SLAMF9: variants seen among roughly 807,000 people sequenced by gnomAD.
The protein encoded by SLAMF9 is SLAM family member 9.
In SLAMF9, 25 loss-of-function variants were observed where a neutral mutation model predicts 30.4. The observed-to-expected ratio is 0.82, with a 90% CI of 0.60 to 1.15. The LOEUF (loss-of-function observed/expected upper bound fraction) is 1.15, where lower values mean the gene tolerates loss of function less well. Ranked by LOEUF, SLAMF9 falls within the 50% of genes most tolerant of loss-of-function variation. The probability of loss-of-function intolerance (pLI) is 0.00; values close to 1 mark genes in which losing one functional copy is unlikely to be tolerated. For synonymous variants in SLAMF9, 129 were observed against 127.2 expected, an observed-to-expected ratio of 1.01 and a Z score of -0.09; for missense variants, 344 against 346.1, an observed-to-expected ratio of 0.99 and a Z score of 0.05.
chr1:159,961,954 C>A, the SLAMF9 span, among the ~76,000 whole-genome samples: 6 of 151,286 alleles, frequency 4.0e-5, no homozygotes, highest in East Asian at 8.0e-4. Flanking sequence ...GTCAAGAGTT[C>A]GAGACCAGCC....
In SLAMF9 at chr1:159,953,436, G is replaced by T; in HGVS notation, c.264C>A (p.Phe88Leu). Residue 88 changes from phenylalanine (F) to leucine (L), a missense_variant, in exon 2 of 4, where the codon TTC (phenylalanine) becomes TTA (leucine). Transcript: ENST00000368093. ...TATGCAGGGAATAGCTGGGGTCCAG[G>T]AAGCTCACTTGGCCCTGGTAGTGTG... Reference protein sequence around the residue: ...TNPHYQGQVSFLDPSYSLHIS... With the variant: ...TNPHYQGQVSLLDPSYSLHIS... 6.2e-7 allele frequency: 1 copy of T among 1,614,240 alleles called. No homozygotes were observed. Among genetic ancestry groups the T allele is most frequent in the Non-Finnish European group, 8.5e-7 (1 of 1,180,042 alleles).
At chr1:159,955,737 C>G (rs1235686241), upstream of SLAMF9, among the ~76,000 whole-genome samples, 1 of 152,082 alleles carries the variant, frequency 6.6e-6, no homozygotes, top group Non-Finnish European at 1.5e-5. Flanking sequence ...GGCGATTTGG[C>G]AAAGTTGGAG....
the SLAMF9 span, among the ~76,000 whole-genome samples, chr1:159,961,008 G>A: frequency 6.6e-6 from 1 of 152,052 alleles, no homozygotes; most frequent in Non-Finnish European, 1.5e-5. Context: ...TCCCTTCCTT[G>A]TCTCATTTTC....
chr1:159,954,192 T>G lies in SLAMF9; in HGVS notation c.-55A>C. 1.3e-6 allele frequency: 2 copies of G among 1,594,808 alleles called. No individual in the cohort carries two copies. The highest frequency in any genetic ancestry group is 1.7e-4 in the Middle Eastern group (1 of 6,018). On this transcript the variant is annotated 5_prime_UTR_variant, in exon 1 of 4. Coordinates refer to ENST00000368093, the MANE Select transcript of SLAMF9 (RefSeq NM_033438.4). Reference sequence around the variant, plus strand: ...TTCAGTCAGTCAGTCCCCAGGACTGTGCAGAAGACTGCATTAGGAGGCTCC... The same window carrying G: ...TTCAGTCAGTCAGTCCCCAGGACTGGGCAGAAGACTGCATTAGGAGGCTCC...
chr1:159,962,298 G>A, the SLAMF9 span, among the ~76,000 whole-genome samples: 10 of 150,628 alleles, frequency 6.6e-5, no homozygotes, highest in Admixed American at 2.6e-4. Flanking sequence ...GACTGCAGGC[G>A]GCTCACTGGG....
the SLAMF9 span, among the ~76,000 whole-genome samples, chr1:159,970,821 G>T: frequency 6.6e-6 from 1 of 152,158 alleles, no homozygotes; most frequent in African/African-American, 2.4e-5. Context: ...TTAATAATTT[G>T]CTAGAAGGAT....
the SLAMF9 span, among the ~76,000 whole-genome samples, chr1:159,960,170 C>A: frequency 7.8e-6 from 1 of 128,702 alleles, no homozygotes; most frequent in Non-Finnish European, 1.6e-5. Flanking sequence ...CCCCCCTCCC[C>A]CCACCCCACA....
chr1:159,953,998 C>G, intron 1 of SLAMF9, 94 bp downstream of exon 1: 1 of 1,489,164 alleles, frequency 6.7e-7, no homozygotes, highest in Non-Finnish European at 9.3e-7. Context: ...CACATTCAAC[C>G]CCTAAGAAAG....
upstream of SLAMF9, among the ~76,000 whole-genome samples, chr1:159,958,667 G>A (rs1352573935): frequency 1.3e-5 from 2 of 152,020 alleles, no homozygotes; most frequent in Non-Finnish European, 2.9e-5. Context: ...ATGTGGCTAT[G>A]TTGCCCAAGC....
chr1:159,953,448 G>T lies in SLAMF9; in HGVS notation c.252C>A (p.Gly84=), dbSNP rs1227019202. The T allele has an allele frequency of 6.2e-7, 1 of 1,614,214 alleles. No homozygotes were observed. The highest frequency in any genetic ancestry group is 8.5e-7 in the Non-Finnish European group (1 of 1,180,030). ...AGCTGGGGTCCAGGAAGCTCACTTG[G>T]CCCTGGTAGTGTGGATTGGTCACCA... ...TIMVTNPHYQ[G]QVSFLDPSYS... The change falls in exon 2 of 4, where the codon GGC becomes GGA. Residue 84 remains glycine, a synonymous_variant. Coordinates refer to ENST00000368093, the MANE Select transcript of SLAMF9 (RefSeq NM_033438.4).
At chr1:159,966,520 GT>G in the SLAMF9 span, among the ~76,000 whole-genome samples, 1 of 152,124 alleles carries the variant, frequency 6.6e-6, no homozygotes, top group African/African-American at 2.4e-5. Context: ...TACATTTTTA[GT>G]TTTTTGAGGA....
At position 159,953,603 on chromosome 1, in the gene SLAMF9, C is replaced by A. The variant is rs1651845585; in HGVS notation, c.97G>T (p.Val33Phe). 1.9e-6 allele frequency: 3 copies of A among 1,612,226 alleles called. No individual in the cohort carries two copies. The highest frequency in any genetic ancestry group is 2.5e-6 in the Non-Finnish European group (3 of 1,178,948). ...RWCGSEEVVA[V>F]LQESISLPLE... The stretch of plus-strand genomic sequence containing the variant: ...GGGAGGCTGATGGACTCCTGAAGGA[C>A]CGCAACCACTTCCTCGGATCCACAC... The change falls in exon 2 of 4, where the codon GTC becomes TTC. Residue 33 changes from valine (V) to phenylalanine (F), a missense_variant. Physicochemically the swap from Val to Phe is conservative, Grantham distance 50. Transcript: ENST00000368093.
chr1:159,965,310 A>G, the SLAMF9 span, among the ~76,000 whole-genome samples: 1 of 152,246 alleles, frequency 6.6e-6, no homozygotes, highest in Non-Finnish European at 1.5e-5. Context: ...GATGGGGGCA[A>G]GAAGCCTTTG....
At chr1:159,973,851 T>C in the SLAMF9 span, 3 of 1,613,496 alleles carry the variant, frequency 1.9e-6, no homozygotes, top group African/African-American at 2.7e-5. Context: ...CTGTGGAATA[T>C]ACATCACCTG....
At chr1:159,965,678 A>G in the SLAMF9 span, 1 of 152,168 alleles carries the variant, frequency 6.6e-6, no homozygotes, top group Admixed American at 6.5e-5. Context: ...TTGTGTCATT[A>G]GGGATAATTT....
the SLAMF9 span, chr1:159,974,214 C>T: frequency 1.6e-3 from 988 of 627,058 alleles, 9 homozygotes; most frequent in African/African-American, 0.016. Context: ...TTCATGCTGA[C>T]CAGAGAAGGG....
chr1:159,968,880 A>G, the SLAMF9 span, among the ~76,000 whole-genome samples: 1 of 152,044 alleles, frequency 6.6e-6, no homozygotes, highest in East Asian at 1.9e-4. Context: ...GTGAAACCTC[A>G]TTTCTACTAA....
the SLAMF9 span, chr1:159,983,730 T>C: frequency 1.1e-4 from 17 of 152,218 alleles, no homozygotes; most frequent in African/African-American, 2.4e-4. Context: ...GATAGATGAT[T>C]CCTAAGGTCC....
At chr1:159,973,896 G>A in the SLAMF9 span, 1 of 1,612,474 alleles carries the variant, frequency 6.2e-7, no homozygotes, top group African/African-American at 1.3e-5. Flanking sequence ...GCTCTGCATT[G>A]TTGCTCCTCT....
Sources: gnomAD v4.1 joint callset for allele counts (sites outside exome capture counted in the v4.1 genomes callset) on GRCh38, gnomAD v4.1.1 for gene constraint, MANE v1.5 for transcripts, NCBI Gene and HGNC (gene_info 2026-07-23, HGNC 2026-07-21) for gene names.